The following RRAGB variants were observed in gnomAD, a reference collection of about 807,000 sequenced individuals.
The protein encoded by RRAGB is Ras related GTP binding B, also known as ras-related GTP-binding protein B.
In RRAGB, 6 loss-of-function variants were observed where a neutral mutation model predicts 29.3. The ratio of observed to expected loss-of-function variants is 0.21; its 90% CI spans 0.11 to 0.40. The LOEUF is 0.40. Among genes scored for constraint, RRAGB ranks in the 10% least tolerant of loss-of-function variants. RRAGB has a pLI of 1.00. For missense variants in RRAGB, 184 were observed against 272.9 expected (o/e 0.67, Z 2.29); for synonymous variants, 101 against 92.5 (o/e 1.09, Z -0.53).
intron 5 of RRAGB, among the ~76,000 whole-genome samples, chrX:55,742,604 G>A (rs1413437511): frequency 3.6e-5 from 4 of 111,932 alleles, no homozygotes; most frequent in Admixed American, 2.8e-4. Flanking sequence ...AAGGTGGCTG[G>A]TTGGCAGTCT....
At chrX:55,719,964 G>A (rs756849659) in intron 2 of RRAGB, among the ~76,000 whole-genome samples, 40 of 112,097 alleles carry the variant, frequency 3.6e-4, no homozygotes, top group Non-Finnish European at 5.8e-4. Context: ...TAACTGTATC[G>A]TAAGATTGTT....
intron 5 of RRAGB, among the ~76,000 whole-genome samples, chrX:55,746,255 T>C (rs887313446): frequency 1.8e-5 from 2 of 111,841 alleles, no homozygotes; most frequent in Non-Finnish European, 3.8e-5. Context: ...CTTCCACATA[T>C]ACAGATCAAG....
chrX:55,727,718 A>G (rs747115688), intron 3 of RRAGB, among the ~76,000 whole-genome samples: 67 of 112,116 alleles, frequency 6.0e-4, no homozygotes, highest in Non-Finnish European at 8.1e-4. Context: ...AAATTGCACA[A>G]AAGTTAGATA....
intron 3 of RRAGB, among the ~76,000 whole-genome samples, chrX:55,723,174 T>C (rs188750222): frequency 7.2e-5 from 8 of 111,611 alleles, no homozygotes; most frequent in African/African-American, 2.6e-4. Flanking sequence ...ATGTATTTTT[T>C]GAGATGGAGT....
At chrX:55,726,353 C>T (rs2033474818) in intron 3 of RRAGB, among the ~76,000 whole-genome samples, 1 of 111,326 alleles carries the variant, frequency 9.0e-6, no homozygotes. Context: ...CCTTTCTTTT[C>T]TGGGTGTATA....
intron 5 of RRAGB, among the ~76,000 whole-genome samples, chrX:55,732,638 T>G (rs1602029080): frequency 8.9e-6 from 1 of 112,069 alleles, no homozygotes; most frequent in East Asian, 2.8e-4. Context: ...GGTTCCATAT[T>G]TGACTCAGAA....
At position 55,731,347 on chromosome X, in the gene RRAGB, T is replaced by C. The variant is rs2033672157; in HGVS notation, c.294-17T>C. On this transcript the variant is annotated splice_polypyrimidine_tract_variant and intron_variant, in intron 4 of 9. Transcript: ENST00000374941. Reference sequence around the variant, plus strand: ...GAATTGAGGATTTGCTTACTATATATATATTTTTTCTATCAGGCAAGACAC... The same window carrying C: ...GAATTGAGGATTTGCTTACTATATACATATTTTTTCTATCAGGCAAGACAC... 3.5e-6 allele frequency: 4 copies of C among 1,136,473 alleles called. No individual in the cohort carries two copies. Among genetic ancestry groups the C allele is most frequent in the African/African-American group, 1.8e-5 (1 of 55,081 alleles). 93.7% of individuals were successfully genotyped at this position (1,136,473 alleles called of 1,213,427 possible).
chrX:55,750,369 C>T (rs745334728), intron 5 of RRAGB, among the ~76,000 whole-genome samples: 2 of 110,671 alleles, frequency 1.8e-5, no homozygotes, highest in East Asian at 2.8e-4. Context: ...TTTTGTGGTT[C>T]GGGTCAGAAA....
chrX:55,730,281 A>C (rs1427204115), intron 4 of RRAGB, among the ~76,000 whole-genome samples: 1 of 112,281 alleles, frequency 8.9e-6, no homozygotes, highest in Non-Finnish European at 1.9e-5. Flanking sequence ...TAGCAGATGG[A>C]TCACTTAACA....
rs971492857 is a variant in RRAGB at position 55,758,189 on chromosome X, A to C, written c.944-57A>C. 6.6e-5 allele frequency: 53 copies of C among 807,826 alleles called. 1 individual carries two copies. In the South Asian group the frequency reaches 7.0e-4, roughly 11 times the overall value. The allele number at this position is 807,826 out of a possible 1,213,427, so 66.6% of individuals were successfully genotyped here. ...TTTGTTTATTTGTTTTACTAGTCAG[A>C]CATTCCTTTGGCTGCCCATACTTAA... On this transcript the variant is annotated intron_variant, in intron 9 of 9. Transcript: ENST00000374941.
chrX:55,757,324 G>A lies in RRAGB; in HGVS notation c.936G>A (p.Pro312=), dbSNP rs150866494. The change falls in exon 9 of 10, where the codon CCG becomes CCA. Residue 312 remains proline, a synonymous_variant. Coordinates refer to ENST00000374941, the MANE Select transcript of RRAGB (RefSeq NM_006064.5). Reference sequence around the variant, plus strand: ...ATGTGATGGTTGTGATGTCTGATCCGTCCATTCGTAAGTTTAAACTTAGCT... The same window carrying A: ...ATGTGATGGTTGTGATGTCTGATCCATCCATTCGTAAGTTTAAACTTAGCT... ...NTYVMVVMSD[P]SIPSAATLIN... 1.1e-5 allele frequency: 12 copies of A among 1,133,284 alleles called. No homozygotes were observed. The highest frequency in any genetic ancestry group is 6.1e-5 in the South Asian group (3 of 49,189). 93.4% of individuals were successfully genotyped at this position (1,133,284 alleles called of 1,213,427 possible). A position where few individuals can be genotyped will look rare whatever the true frequency, so the allele number is the denominator to read the frequency against.
At chrX:55,756,002 T>C (rs899551678) in intron 8 of RRAGB, 70 bp downstream of exon 8, 1 of 678,655 alleles carries the variant, frequency 1.5e-6, no homozygotes, top group African/African-American at 2.2e-5. Flanking sequence ...GAAGTTCAAA[T>C]AACTATAGTT....
intron 3 of RRAGB, among the ~76,000 whole-genome samples, chrX:55,726,057 C>A (rs1378751520): frequency 9.2e-6 from 1 of 109,052 alleles, no homozygotes; most frequent in Non-Finnish European, 1.9e-5. Context: ...CATAAAATGT[C>A]TTGTAAGCCA....
intron 2 of RRAGB, among the ~76,000 whole-genome samples, chrX:55,720,279 A>G (rs770073606): frequency 2.0e-4 from 22 of 112,264 alleles, no homozygotes; most frequent in Middle Eastern, 4.6e-3. Flanking sequence ...TTGTATACAT[A>G]TATCAAACAT....
chrX:55,719,211 A>G, intron 1 of RRAGB, 103 bp from the exon 2 acceptor site: 1 of 709,065 alleles, frequency 1.4e-6, no homozygotes, highest in Non-Finnish European at 2.1e-6. Context: ...CAGCCGTTGT[A>G]CTAAACATGC....
chrX:55,754,053 AAGAG>A (rs1444954752), intron 7 of RRAGB, among the ~76,000 whole-genome samples: 3 of 112,519 alleles, frequency 2.7e-5, no homozygotes, highest in Non-Finnish European at 5.6e-5. Context: ...CTCAAAAAAA[AAGAG>A]AGTTCAGATT....
intron 3 of RRAGB, chrX:55,727,325 G>A (rs1434386065): frequency 8.8e-7 from 1 of 1,133,916 alleles, no homozygotes; most frequent in Admixed American, 2.2e-5. Context: ...CGTATACATA[G>A]TCTTCAAATT....
At chrX:55,754,133 A>T (rs188084163) in intron 7 of RRAGB, among the ~76,000 whole-genome samples, 4 of 112,876 alleles carry the variant, frequency 3.5e-5, no homozygotes, top group Admixed American at 2.8e-4. Flanking sequence ...TTATTATGAA[A>T]TGTGGGATAT....
intron 5 of RRAGB, among the ~76,000 whole-genome samples, chrX:55,749,236 G>A (rs2147119275): frequency 1.1e-5 from 1 of 92,808 alleles, no homozygotes; most frequent in African/African-American, 4.0e-5. Flanking sequence ...GGAGGTGAGG[G>A]GCGCCTCTGC....
Sources: allele counts gnomAD v4.1 joint callset (sites outside exome capture counted in the v4.1 genomes callset), GRCh38; gene constraint gnomAD v4.1.1; transcripts MANE v1.5; gene names NCBI Gene and HGNC (gene_info 2026-07-23, HGNC 2026-07-21).